IL32: variants seen among roughly 807,000 people sequenced by gnomAD.
IL32 encodes the protein interleukin-32.
Under a neutral mutation model 16.6 loss-of-function variants are expected in IL32, and 30 were observed. The ratio of observed to expected loss-of-function variants is 1.81; its 90% CI spans 1.35 to 2.45. The LOEUF (loss-of-function observed/expected upper bound fraction) is 2.45. Ranked by LOEUF, IL32 falls within the 30% of genes most tolerant of loss-of-function variation. IL32 has a pLI of 0.00. For synonymous variants in IL32, 70 were observed against 86.1 expected (o/e 0.81, Z 1.03); for missense variants, 234 against 229.8 (o/e 1.02, Z -0.12).
intron 2 of IL32, 22 bp from the exon 3 acceptor site, chr16:3,067,355 A>T: frequency 7.1e-7 from 1 of 1,408,268 alleles, no homozygotes; most frequent in Non-Finnish European, 9.7e-7. Flanking sequence ...ATGGAGACTG[A>T]GTGTCACCGT....
Position 3,067,750 on chromosome 16 carries a change from C to A in IL32, c.114+137C>A, listed in dbSNP as rs1319868197. 42 of 868,082 alleles carry A rather than the reference C, an allele frequency of 4.8e-5. 1 individual carries two copies. The South Asian group carries it at 5.9e-4, about 12-fold the overall frequency. 53.8% of individuals were successfully genotyped at this position (868,082 alleles called of 1,614,324 possible). A position where few individuals can be genotyped will look rare whatever the true frequency, so the allele number is the denominator to read the frequency against. ...CCCTTACCGTGGGCAAATGCTTGCA[C>A]CTGGGTGGCAGTGAGTGGGCGGGTG... On this transcript the variant is annotated intron_variant, in intron 4 of 6. Transcript: ENST00000525643.
Position 3,065,838 on chromosome 16 carries a change from G to A in IL32, c.15+12G>A, listed in dbSNP as rs745554267. 2 of 1,614,076 alleles carry A rather than the reference G, an allele frequency of 1.2e-6. No homozygotes were observed. Among genetic ancestry groups the A allele is most frequent in the East Asian group, 2.2e-5 (1 of 44,874 alleles). On this transcript the variant is annotated intron_variant, in intron 2 of 6. Coordinates refer to ENST00000525643, the MANE Select transcript of IL32 (RefSeq NM_001376923.1). The stretch of plus-strand genomic sequence containing the variant: ...TGTGCTTCCCGAAGGTGAGTGAGAG[G>A]CTGCGTGTGCTTTTGTGGGCATGTC...
intron 2 of IL32, among the ~76,000 whole-genome samples, chr16:3,066,998 G>C (rs1956397028): frequency 1.4e-5 from 1 of 71,552 alleles, no homozygotes; most frequent in African/African-American, 4.9e-5. Flanking sequence ...CTAGGCCCAC[G>C]CAGGCCCTGC....
Position 3,068,245 on chromosome 16 carries a change from T to C in IL32, c.201+6T>C, listed in dbSNP as rs770193183. 3 of 1,589,696 alleles carry C rather than the reference T, an allele frequency of 1.9e-6. No individual in the cohort carries two copies. The highest frequency in any genetic ancestry group is 1.1e-5 in the South Asian group (1 of 87,786). On this transcript the variant is annotated splice_donor_region_variant and intron_variant, in intron 6 of 6. Coordinates refer to ENST00000525643, the MANE Select transcript of IL32 (RefSeq NM_001376923.1). ...ATTATGAGGAGCAGCACCCAGTGAGTATGACACACCCATCTGGGCACCTTG... is the reference window on the plus strand; with the variant it reads ...ATTATGAGGAGCAGCACCCAGTGAGCATGACACACCCATCTGGGCACCTTG...
intron 4 of IL32, 166 bp downstream of exon 4, chr16:3,067,779 G>T (rs981976737): frequency 1.4e-4 from 116 of 806,576 alleles, no homozygotes; most frequent in Non-Finnish European, 2.1e-4. Flanking sequence ...GCGGGTGGGG[G>T]ATCTGGACGC....
intron 2 of IL32, among the ~76,000 whole-genome samples, chr16:3,066,639 G>A (rs944430275): frequency 1.3e-5 from 2 of 152,136 alleles, no homozygotes; most frequent in Non-Finnish European, 2.9e-5. Context: ...GGAATGGCCC[G>A]GGACCTGTGG....
intron 6 of IL32, 61 bp downstream of exon 6, chr16:3,068,300 TTC>T (rs1310311632): frequency 3.6e-6 from 5 of 1,405,006 alleles, no homozygotes; most frequent in Non-Finnish European, 4.9e-6. Context: ...TGTCTTTTCT[TTC>T]TTTCTTTCTT....
Position 3,069,412 on chromosome 16 carries a change from C to G in IL32, c.*57C>G, listed in dbSNP as rs1052917189. ...ACCGCGCACCCACCCTGACCCCTCC[C>G]TCAGCTGTCCTGTGCCCCGCCCTCT... On this transcript the variant is annotated 3_prime_UTR_variant, in exon 7 of 7. Transcript: ENST00000525643. 1.3e-6 allele frequency: 2 copies of G among 1,531,216 alleles called. No homozygotes were observed. Among genetic ancestry groups the G allele is most frequent in the African/African-American group, 1.4e-5 (1 of 72,460 alleles). The allele number at this position is 1,531,216 out of a possible 1,614,324, so 94.9% of individuals were successfully genotyped here. A position where few individuals can be genotyped will look rare whatever the true frequency, so the allele number is the denominator to read the frequency against.
chr16:3,066,580 C>A (rs541572647), intron 2 of IL32, among the ~76,000 whole-genome samples: 1 of 151,944 alleles, frequency 6.6e-6, no homozygotes, highest in East Asian at 1.9e-4. Flanking sequence ...AGCGGGGATT[C>A]TGTGGGGTGC....
chr16:3,066,513 A>G (rs1159856482), intron 2 of IL32, among the ~76,000 whole-genome samples: 1 of 151,796 alleles, frequency 6.6e-6, no homozygotes, highest in Non-Finnish European at 1.5e-5. Flanking sequence ...TCACCACTCT[A>G]TAGTGGGGGA....
chr16:3,067,557 C>G lies in IL32; in HGVS notation c.58C>G (p.Gln20Glu), dbSNP rs1956525638. Reference sequence around the variant, plus strand: ...CCAACTCTGCCTCTCTTCACAGCACCAGGCCATAGAAAGATTTTATGATAA... The same window carrying G: ...CCAACTCTGCCTCTCTTCACAGCACGAGGCCATAGAAAGATTTTATGATAA... ...DMKKLKARMH[Q>E]AIERFYDKMQ... The change falls in exon 4 of 7, where the codon CAG becomes GAG. Residue 20 changes from glutamine (Q) to glutamate (E), a missense_variant. This residue lies in a region of IL32 where 137 missense variants were observed against 80.7 expected (regional missense o/e 1.70). Transcript: ENST00000525643. The G allele has an allele frequency of 3.7e-6, 6 of 1,614,030 alleles. No individual in the cohort carries two copies. The highest frequency in any genetic ancestry group is 5.1e-6 in the Non-Finnish European group (6 of 1,179,962).
chr16:3,067,779 G>C (rs981976737), intron 4 of IL32, 166 bp downstream of exon 4: 9 of 806,694 alleles, frequency 1.1e-5, no homozygotes, highest in East Asian at 2.6e-5. Flanking sequence ...GCGGGTGGGG[G>C]ATCTGGACGC....
At chr16:3,067,797 G>C (rs898536494) in intron 4 of IL32, 184 bp downstream of exon 4, 2 of 812,842 alleles carry the variant, frequency 2.5e-6, no homozygotes, top group Non-Finnish European at 4.0e-6. Flanking sequence ...CGCCCGGGGA[G>C]ACTGAGGGAG....
chr16:3,065,945 C>T (rs547445097), intron 2 of IL32, 119 bp downstream of exon 2: 102 of 1,203,664 alleles, frequency 8.5e-5, no homozygotes, highest in Non-Finnish European at 1.1e-4. Flanking sequence ...GGGCACCCAG[C>T]GGCAGGAGGA....
intron 2 of IL32, among the ~76,000 whole-genome samples, chr16:3,067,084 C>T (rs1956419074): frequency 1.2e-5 from 1 of 85,516 alleles, no homozygotes. Flanking sequence ...CCACGCAGGC[C>T]CTGCTCTTGT....
Position 3,065,891 on chromosome 16 carries a change from C to T in IL32, c.15+65C>T, listed in dbSNP as rs1956255160. On this transcript the variant is annotated intron_variant, in intron 2 of 6. Transcript: ENST00000525643. Reference sequence around the variant, plus strand: ...AAAACAGACCGTAAGGGTGCGGGTGCCCTCAGTATTTCCCGAGGTGCCTGT... The same window carrying T: ...AAAACAGACCGTAAGGGTGCGGGTGTCCTCAGTATTTCCCGAGGTGCCTGT... 6.3e-6 allele frequency: 10 copies of T among 1,592,658 alleles called. No individual in the cohort carries two copies. In the Admixed American group the frequency reaches 1.5e-4, roughly 24 times the overall value.
chr16:3,065,650 C>A lies in IL32; in HGVS notation c.-66C>A. On this transcript the variant is annotated 5_prime_UTR_variant, in exon 1 of 7. Transcript: ENST00000525643. Reference sequence around the variant, plus strand: ...GTATTTGTGCCAGGAAGACTGCGTGCAGAAGGTGACTGTCTCAGTGGAGCT... The same window carrying A: ...GTATTTGTGCCAGGAAGACTGCGTGAAGAAGGTGACTGTCTCAGTGGAGCT... 2 of 761,050 alleles carry A rather than the reference C, an allele frequency of 2.6e-6. No individual in the cohort carries two copies. Among genetic ancestry groups the A allele is most frequent in the South Asian group, 1.5e-5 (1 of 67,996 alleles). The allele number at this position is 761,050 out of a possible 1,614,324, so 47.1% of individuals were successfully genotyped here. A position where few individuals can be genotyped will look rare whatever the true frequency, so the allele number is the denominator to read the frequency against.
At chr16:3,066,679 C>G (rs189923225) in intron 2 of IL32, among the ~76,000 whole-genome samples, 6 of 152,294 alleles carry the variant, frequency 3.9e-5, no homozygotes, top group African/African-American at 1.4e-4. Flanking sequence ...GGAAGAGTGG[C>G]AGGTTGTAGG....
chr16:3,065,478 A>G (rs973022195), upstream of IL32: 27 of 442,078 alleles, frequency 6.1e-5, no homozygotes, highest in Non-Finnish European at 9.9e-5. Context: ...GGGACCCCAG[A>G]CCTCTGTCTC....
Sources: gnomAD v4.1 joint callset for allele counts (sites outside exome capture counted in the v4.1 genomes callset) on GRCh38, gnomAD v4.1.1 for gene constraint, gnomAD v4.1.1 regional missense constraint, MANE v1.5 for transcripts, NCBI Gene and HGNC (gene_info 2026-07-23, HGNC 2026-07-21) for gene names.